Variants in GUCY1A2 observed in about 807,000 individuals in gnomAD.
GUCY1A2 encodes the protein guanylate cyclase 1 soluble subunit alpha 2, also known as guanylate cyclase soluble subunit alpha-2.
Under a neutral mutation model 63.5 loss-of-function variants are expected in GUCY1A2, and 27 were observed. The ratio of observed to expected loss-of-function variants is 0.43; its 90% CI spans 0.31 to 0.59. The LOEUF is 0.59. GUCY1A2 is among the 20% of genes least tolerant of loss of function. GUCY1A2 has a pLI of 0.11. For synonymous variants in GUCY1A2, 364 were observed against 343.5 expected (o/e 1.06, Z -0.66); for missense variants, 768 against 913.3 (o/e 0.84, Z 2.05).
At chr11:106,929,463 T>C (rs1173713281) in intron 4 of GUCY1A2, among the ~76,000 whole-genome samples, 1 of 152,138 alleles carries the variant, frequency 6.6e-6, no homozygotes, top group African/African-American at 2.4e-5. Context: ...ACTCCACCAA[T>C]TCATTACTTT....
intron 4 of GUCY1A2, among the ~76,000 whole-genome samples, chr11:106,898,329 C>A (rs765831759): frequency 6.6e-5 from 10 of 152,170 alleles, no homozygotes; most frequent in African/African-American, 9.6e-5. Context: ...TATGATACAG[C>A]AATTGTGCTT....
chr11:106,799,529 G>T (rs957337943), intron 5 of GUCY1A2, among the ~76,000 whole-genome samples: 1 of 152,120 alleles, frequency 6.6e-6, no homozygotes. Flanking sequence ...CATGGTACTG[G>T]TACCAAAACA....
At chr11:106,961,690 T>G (rs1861059868) in intron 3 of GUCY1A2, among the ~76,000 whole-genome samples, 1 of 152,352 alleles carries the variant, frequency 6.6e-6, no homozygotes, top group Admixed American at 6.5e-5. Context: ...CTGACTTTTC[T>G]CTTCTCAGCA....
At chr11:106,986,924 G>A (rs1861409133) in intron 1 of GUCY1A2, among the ~76,000 whole-genome samples, 1 of 152,134 alleles carries the variant, frequency 6.6e-6, no homozygotes. Context: ...TAAGACAGAG[G>A]TTCTTAATCC....
intron 4 of GUCY1A2, among the ~76,000 whole-genome samples, chr11:106,910,900 C>G (rs1415981381): frequency 6.6e-6 from 1 of 152,042 alleles, no homozygotes; most frequent in African/African-American, 2.4e-5. Flanking sequence ...GAGAAGGAGA[C>G]TTAACACTTG....
At chr11:106,838,865 T>C (rs1363911827) in intron 4 of GUCY1A2, among the ~76,000 whole-genome samples, 1 of 152,096 alleles carries the variant, frequency 6.6e-6, no homozygotes, top group Non-Finnish European at 1.5e-5. Context: ...CTTTGTAGAT[T>C]CTGGATATTA....
intron 4 of GUCY1A2, chr11:106,827,414 C>G (rs955604075): frequency 3.4e-6 from 5 of 1,489,196 alleles, no homozygotes; most frequent in Non-Finnish European, 3.8e-6. Context: ...TACACTAACT[C>G]AAGTGCGATA....
At chr11:106,758,333 G>A (rs1409945717) in intron 6 of GUCY1A2, among the ~76,000 whole-genome samples, 1 of 152,346 alleles carries the variant, frequency 6.6e-6, no homozygotes, top group South Asian at 2.1e-4. Flanking sequence ...CTGGTCTGCT[G>A]GTTGCGAACA....
At chr11:106,875,806 A>G (rs1358774567) in intron 4 of GUCY1A2, among the ~76,000 whole-genome samples, 2 of 152,072 alleles carry the variant, frequency 1.3e-5, no homozygotes, top group South Asian at 2.1e-4. Context: ...GAAAAATAGT[A>G]TATTTTATAT....
intron 6 of GUCY1A2, among the ~76,000 whole-genome samples, chr11:106,772,435 A>C (rs920993673): frequency 2.6e-5 from 4 of 152,220 alleles, no homozygotes; most frequent in Non-Finnish European, 2.9e-5. Context: ...CACAGCACCA[A>C]GCTAGAAGGC....
chr11:106,759,796 G>T (rs542716829), intron 6 of GUCY1A2, among the ~76,000 whole-genome samples: 1 of 152,182 alleles, frequency 6.6e-6, no homozygotes, highest in Non-Finnish European at 1.5e-5. Flanking sequence ...TTAGCCAGTC[G>T]TTGGGGCAGG....
chr11:106,937,576 A>C (rs938122649), intron 4 of GUCY1A2, among the ~76,000 whole-genome samples: 1 of 152,326 alleles, frequency 6.6e-6, no homozygotes, highest in Admixed American at 6.5e-5. Flanking sequence ...GCTTCTGTAA[A>C]ACAGAACTGA....
intron 6 of GUCY1A2, among the ~76,000 whole-genome samples, chr11:106,759,700 G>A (rs544096450): frequency 2.0e-5 from 3 of 152,322 alleles, no homozygotes; most frequent in South Asian, 2.1e-4. Context: ...TTGGGAGGCC[G>A]AGGTGGGCAG....
At chr11:106,726,128 G>A (rs529590593) in intron 6 of GUCY1A2, among the ~76,000 whole-genome samples, 27 of 152,146 alleles carry the variant, frequency 1.8e-4, no homozygotes, top group Non-Finnish European at 3.7e-4. Context: ...ATAAAAAGCA[G>A]ATCAGGCTGG....
intron 4 of GUCY1A2, among the ~76,000 whole-genome samples, chr11:106,894,610 T>C (rs1860020604): frequency 6.6e-6 from 1 of 152,020 alleles, no homozygotes; most frequent in African/African-American, 2.4e-5. Flanking sequence ...TGAAATGGGG[T>C]TAAATTATGA....
At chr11:106,936,994 T>C (rs988181375) in intron 4 of GUCY1A2, among the ~76,000 whole-genome samples, 1 of 152,160 alleles carries the variant, frequency 6.6e-6, no homozygotes, top group East Asian at 1.9e-4. Context: ...CTTCTTTCCA[T>C]GTTTTAATAA....
chr11:107,017,738 C>T lies in GUCY1A2; in HGVS notation c.303+15G>A. On this transcript the variant is annotated intron_variant, in intron 1 of 7. Coordinates refer to ENST00000526355, the MANE Select transcript of GUCY1A2 (RefSeq NM_000855.3). ...TCTCCCCCGAAGGCGGTCCCCCCTT[C>T]CGCCCCCCGCTCACCGAGGGCGCCG... 2 of 1,372,402 alleles carry T rather than the reference C, an allele frequency of 1.5e-6. No individual in the cohort carries two copies. Among genetic ancestry groups the T allele is most frequent in the Non-Finnish European group, 1.9e-6 (2 of 1,059,786 alleles). 85.0% of individuals were successfully genotyped at this position (1,372,402 alleles called of 1,614,324 possible).
intron 6 of GUCY1A2, among the ~76,000 whole-genome samples, chr11:106,741,040 C>T (rs2135378792): frequency 6.6e-6 from 1 of 152,296 alleles, no homozygotes; most frequent in South Asian, 2.1e-4. Flanking sequence ...CTCTTTAACT[C>T]TAGTGTCCTT....
At chr11:106,780,324 C>T (rs1864435883) in intron 5 of GUCY1A2, among the ~76,000 whole-genome samples, 2 of 152,132 alleles carry the variant, frequency 1.3e-5, no homozygotes, top group South Asian at 2.1e-4. Context: ...ATCCAACATA[C>T]AGAAACCTAA....
Sources: gnomAD v4.1 joint callset for allele counts (sites outside exome capture counted in the v4.1 genomes callset) on GRCh38, gnomAD v4.1.1 for gene constraint, MANE v1.5 for transcripts, NCBI Gene and HGNC (gene_info 2026-07-23, HGNC 2026-07-21) for gene names.